JAKMIP1: variants seen among roughly 807,000 people sequenced by gnomAD.
JAKMIP1 encodes janus kinase and microtubule-interacting protein 1.
In JAKMIP1, 33 loss-of-function variants were observed where a neutral mutation model predicts 113.0. That is an observed-to-expected ratio of 0.29 (90% CI 0.22 to 0.39). JAKMIP1 has a LOEUF of 0.39. Among genes scored for constraint, JAKMIP1 ranks in the 10% least tolerant of loss-of-function variants. The pLI, the probability that JAKMIP1 is intolerant of heterozygous loss-of-function variation, is 1.00. For missense variants in JAKMIP1, 813 were observed against 1,080.5 expected (o/e 0.75, Z 3.47); for synonymous variants, 480 against 459.9 (o/e 1.04, Z -0.56).
intron 1 of JAKMIP1, among the ~76,000 whole-genome samples, chr4:6,118,378 T>C (rs1342351572): frequency 6.6e-6 from 1 of 152,092 alleles, no homozygotes; most frequent in Non-Finnish European, 1.5e-5. Flanking sequence ...ATCATCCTGC[T>C]GTTTAAAAGG....
intron 5 of JAKMIP1, among the ~76,000 whole-genome samples, chr4:6,083,377 T>C (rs1720859814): frequency 6.9e-6 from 1 of 145,546 alleles, no homozygotes; most frequent in Non-Finnish European, 1.5e-5. Context: ...CACTCAAACC[T>C]GGGCGACAGA....
At chr4:6,110,704 C>A (rs572751272) in intron 2 of JAKMIP1, among the ~76,000 whole-genome samples, 14 of 147,790 alleles carry the variant, frequency 9.5e-5, no homozygotes, top group Non-Finnish European at 1.8e-4. Context: ...GAGGCAGACA[C>A]CTTAGAGGTC....
chr4:6,155,261 C>T lies in JAKMIP1; in HGVS notation c.-147-42264G>A, dbSNP rs1450199003. ...TCCTAAGGAGGAAACAACATTCCCT[C>T]CTCTGCGCTCAACGCCTTTTAATAC... On this transcript the variant is annotated intron_variant, in intron 1 of 20. Transcript: ENST00000409021. The surrounding 1 kb of genome is among the most constrained non-coding windows in gnomAD (Gnocchi z 6.1). Among the ~76,000 whole-genome samples the T allele has an allele frequency of 6.6e-6, 1 of 152,172 alleles. No individual in the cohort carries two copies. The highest frequency in any genetic ancestry group is 1.5e-5 in the Non-Finnish European group (1 of 68,034).
At chr4:6,121,314 A>G (rs1716683170) in intron 1 of JAKMIP1, among the ~76,000 whole-genome samples, 1 of 151,934 alleles carries the variant, frequency 6.6e-6, no homozygotes. Context: ...GATTTTTCCT[A>G]TGACTCTATC....
intron 20 of JAKMIP1, among the ~76,000 whole-genome samples, chr4:6,028,024 T>C (rs1386283400): frequency 1.3e-5 from 2 of 152,094 alleles, no homozygotes; most frequent in African/African-American, 2.4e-5. Context: ...TATCCCTACA[T>C]CCACCCTCAG....
chr4:6,114,630 G>C (rs752010256), intron 1 of JAKMIP1, among the ~76,000 whole-genome samples: 4 of 152,238 alleles, frequency 2.6e-5, no homozygotes, highest in Non-Finnish European at 5.9e-5. Context: ...ACAGGAGAGA[G>C]GGGTGTTTCT....
In JAKMIP1 at chr4:6,042,132, C is replaced by T; in HGVS notation, c.2097+27G>A. 1 of 1,596,318 alleles carries T rather than the reference C, an allele frequency of 6.3e-7. No individual in the cohort carries two copies. The highest frequency in any genetic ancestry group is 8.6e-7 in the Non-Finnish European group (1 of 1,163,994). ...CTCTGAGCTCTTTGAACCCTCTCCC[C>T]CACCCCCAGGCAGTCAAATCTTTTA... On this transcript the variant is annotated intron_variant, in intron 17 of 20. Transcript: ENST00000409021. This position sits in a 1 kb window ranked among gnomAD's most constrained non-coding sequence, Gnocchi z 5.2.
Position 6,185,634 on chromosome 4 carries a change from G to A in JAKMIP1, c.-148+14619C>T, listed in dbSNP as rs1441718135. The stretch of plus-strand genomic sequence containing the variant: ...CTGCACTCCAGCCTGAGCGACAGAG[G>A]AAGACTCCGTCTCAAAAAAACAAAA... On this transcript the variant is annotated intron_variant, in intron 1 of 20. Coordinates refer to ENST00000409021, the MANE Select transcript of JAKMIP1 (RefSeq NM_001099433.2). The surrounding 1 kb of genome is among the most constrained non-coding windows in gnomAD (Gnocchi z 5.3). Among the ~76,000 whole-genome samples, 1 of 152,122 alleles carries A rather than the reference G, an allele frequency of 6.6e-6. No homozygotes were observed. The highest frequency in any genetic ancestry group is 2.4e-5 in the African/African-American group (1 of 41,430).
chr4:6,152,763 G>T (rs113715588), intron 1 of JAKMIP1, among the ~76,000 whole-genome samples: 2 of 143,890 alleles, frequency 1.4e-5, no homozygotes, highest in Admixed American at 1.4e-4. Flanking sequence ...CCAACATGGC[G>T]AAACTCTGTC....
chr4:6,171,199 C>CATTATCACCA, intron 1 of JAKMIP1, among the ~76,000 whole-genome samples: 1 of 151,538 alleles, frequency 6.6e-6, no homozygotes, highest in Admixed American at 6.6e-5. Context: ...CCATCATCAC[C>CATTATCACCA]ACCATCACCA....
chr4:6,131,922 T>C (rs1011609255), intron 1 of JAKMIP1, among the ~76,000 whole-genome samples: 11 of 152,180 alleles, frequency 7.2e-5, no homozygotes, highest in African/African-American at 2.7e-4. Flanking sequence ...GAATTTGCTA[T>C]GGACACCTGC....
At position 6,031,641 on chromosome 4, in the gene JAKMIP1, G is replaced by C. The variant is rs1231116406; in HGVS notation, c.2380-1860C>G. On this transcript the variant is annotated intron_variant, in intron 19 of 20. Transcript: ENST00000409021. This position sits in a 1 kb window ranked among gnomAD's most constrained non-coding sequence, Gnocchi z 4.4. ...GTCCCGATGAGGTGCTCACAGCTTT[G>C]GGGTTGCCATGGGGAGCCAGTGACG... Among the ~76,000 whole-genome samples, 1 of 152,184 alleles carries C rather than the reference G, an allele frequency of 6.6e-6. No homozygotes were observed. Among genetic ancestry groups the C allele is most frequent in the African/African-American group, 2.4e-5 (1 of 41,452 alleles).
chr4:6,118,384 A>C (rs1716160869), intron 1 of JAKMIP1, among the ~76,000 whole-genome samples: 1 of 152,056 alleles, frequency 6.6e-6, no homozygotes, highest in Non-Finnish European at 1.5e-5. Flanking sequence ...CTGCTGTTTA[A>C]AAGGCACCTG....
intron 1 of JAKMIP1, among the ~76,000 whole-genome samples, chr4:6,148,482 T>C (rs554230995): frequency 6.6e-6 from 1 of 152,372 alleles, no homozygotes; most frequent in African/African-American, 2.4e-5. Flanking sequence ...AGGACACCAC[T>C]TGGAATCGGA....
chr4:6,115,532 C>G (rs889769077), intron 1 of JAKMIP1, among the ~76,000 whole-genome samples: 1 of 152,230 alleles, frequency 6.6e-6, no homozygotes, highest in Non-Finnish European at 1.5e-5. Context: ...GGTGCCAGCC[C>G]TGCACCCTGG....
intron 19 of JAKMIP1, among the ~76,000 whole-genome samples, chr4:6,030,091 A>G (rs1712404548): frequency 6.6e-6 from 1 of 152,222 alleles, no homozygotes; most frequent in Non-Finnish European, 1.5e-5. Flanking sequence ...ATTACACAGT[A>G]CACATTCTTA....
chr4:6,083,776 G>A (rs1463234757), intron 5 of JAKMIP1, among the ~76,000 whole-genome samples: 1 of 151,986 alleles, frequency 6.6e-6, no homozygotes, highest in African/African-American at 2.4e-5. Flanking sequence ...TAAAAATTAT[G>A]AGGCATCTGT....
chr4:6,082,034 T>G (rs866798089), intron 5 of JAKMIP1, among the ~76,000 whole-genome samples: 5 of 152,076 alleles, frequency 3.3e-5, no homozygotes, highest in Non-Finnish European at 7.4e-5. Context: ...TGGAAAGAAT[T>G]AGAAACAACT....
chr4:6,109,226 A>G (rs1384578422), intron 2 of JAKMIP1, among the ~76,000 whole-genome samples: 1 of 140,074 alleles, frequency 7.1e-6, no homozygotes, highest in Non-Finnish European at 1.5e-5. Context: ...TCTGCCTTCC[A>G]GGTTCACGCC....
Sources: allele counts gnomAD v4.1 joint callset (sites outside exome capture counted in the v4.1 genomes callset), GRCh38; gene constraint gnomAD v4.1.1; non-coding constraint Gnocchi (gnomAD v3.1); transcripts MANE v1.5; gene names NCBI Gene and HGNC (gene_info 2026-07-23, HGNC 2026-07-21).